PPP3CA: variants seen among roughly 807,000 people sequenced by gnomAD.
The protein encoded by PPP3CA is protein phosphatase 3 catalytic subunit alpha.
In PPP3CA, 14 loss-of-function variants were observed where a neutral mutation model predicts 66.5. The ratio of observed to expected loss-of-function variants is 0.21; its 90% CI spans 0.14 to 0.33. The LOEUF is 0.33. Among genes scored for constraint, PPP3CA ranks in the 10% least tolerant of loss-of-function variants. The pLI, the probability that PPP3CA is intolerant of heterozygous loss-of-function variation, is 1.00. For missense variants in PPP3CA, 317 were observed against 639.5 expected, an observed-to-expected ratio of 0.50 and a Z score of 5.44; for synonymous variants, 232 against 226.2, an observed-to-expected ratio of 1.03 and a Z score of -0.23.
At chr4:101,226,067 ATTC>A (rs1272499390) in intron 1 of PPP3CA, among the ~76,000 whole-genome samples, 1 of 151,822 alleles carries the variant, frequency 6.6e-6, no homozygotes, top group Non-Finnish European at 1.5e-5. Context: ...AAGTAATATT[ATTC>A]TTCTTTCTAC....
intron 2 of PPP3CA, among the ~76,000 whole-genome samples, chr4:101,180,882 C>T (rs1361929134): frequency 6.6e-6 from 1 of 151,874 alleles, no homozygotes; most frequent in Admixed American, 6.6e-5. Context: ...TAAAATTTAG[C>T]AGGGCATGGT....
At chr4:101,170,642 T>C (rs1723847214) in intron 2 of PPP3CA, among the ~76,000 whole-genome samples, 2 of 152,086 alleles carry the variant, frequency 1.3e-5, no homozygotes, top group South Asian at 4.1e-4. Context: ...ACCTCACACC[T>C]AGCATCTCTT....
intron 1 of PPP3CA, among the ~76,000 whole-genome samples, chr4:101,323,829 CAAGGCCGGG>C (rs1729114380): frequency 6.6e-6 from 1 of 152,054 alleles, no homozygotes. Context: ...AATGGAGGCA[CAAGGCCGGG>C]CATGGTGGCT....
chr4:101,074,895 A>G (rs1315727619), intron 8 of PPP3CA, among the ~76,000 whole-genome samples: 2 of 152,190 alleles, frequency 1.3e-5, no homozygotes, highest in Non-Finnish European at 2.9e-5. Context: ...GACATACCTG[A>G]GACTGGGTAA....
At chr4:101,319,170 GAAA>G (rs752226737) in intron 1 of PPP3CA, among the ~76,000 whole-genome samples, 1 of 88,980 alleles carries the variant, frequency 1.1e-5, no homozygotes. Context: ...ATACCATATT[GAAA>G]AAAAAAAAAA....
chr4:101,202,380 GT>G lies in PPP3CA; in HGVS notation c.59-6265del, dbSNP rs1367410439. Reference sequence around the variant, plus strand: ...TAAAGAGATATGTAAGTACTAAGGAGTTTTCACTGAATTTTATTTGGGTTCT... The same window carrying G: ...TAAAGAGATATGTAAGTACTAAGGAGTTTCACTGAATTTTATTTGGGTTCT... On this transcript the variant is annotated intron_variant, in intron 1 of 13. Transcript: ENST00000394854. 1.3e-5 allele frequency among the ~76,000 whole-genome samples: 2 copies of G among 152,028 alleles called. 1 individual carries two copies. Among genetic ancestry groups the G allele is most frequent in the Non-Finnish European group, 2.9e-5 (2 of 68,018 alleles).
chr4:101,267,440 T>G (rs2110262262), intron 1 of PPP3CA, among the ~76,000 whole-genome samples: 1 of 152,314 alleles, frequency 6.6e-6, no homozygotes, highest in East Asian at 1.9e-4. Flanking sequence ...GTTCAGGTAC[T>G]CATTATTTAG....
rs1446606155 is a variant in PPP3CA at position 101,346,662 on chromosome 4, G to GGC, written c.58+76_58+77insGC. On this transcript the variant is annotated intron_variant, in intron 1 of 13. Coordinates refer to ENST00000394854, the MANE Select transcript of PPP3CA (RefSeq NM_000944.5). ...GGAGAACCTGGGGCGGGGGAGGGGA[G>GGC]GAAAGGCGAGGCGAGGCAAGCTGCC... 124 of 1,205,940 alleles carry GGC rather than the reference G, an allele frequency of 1.0e-4. 1 individual carries two copies. Among genetic ancestry groups the GGC allele is most frequent in the Admixed American group, 3.5e-4 (17 of 48,388 alleles). The allele number at this position is 1,205,940 out of a possible 1,614,324, so 74.7% of individuals were successfully genotyped here.
intron 1 of PPP3CA, among the ~76,000 whole-genome samples, chr4:101,264,192 ATCTTTTTCCCCCATG>A (rs1211161222): frequency 6.6e-6 from 1 of 152,344 alleles, no homozygotes; most frequent in Non-Finnish European, 1.5e-5. Flanking sequence ...TCATTTTCAT[ATCTTTTTCCCCCATG>A]TCTTTTTCCC....
chr4:101,237,071 T>C (rs1726154147), intron 1 of PPP3CA, among the ~76,000 whole-genome samples: 1 of 150,278 alleles, frequency 6.7e-6, no homozygotes, highest in Admixed American at 6.7e-5. Context: ...ACTAGATCAT[T>C]AAAATCAGAT....
At position 101,167,775 on chromosome 4, in the gene PPP3CA, C is replaced by T. The variant is rs544079073; in HGVS notation, c.259+28141G>A. On this transcript the variant is annotated intron_variant, in intron 2 of 13. Transcript: ENST00000394854. ...CTGGTATAATTATGTGGGTGACAGG[C>T]TGGCTGGCTGGAAAGGACACAAACT... Among the ~76,000 whole-genome samples, 4 of 152,088 alleles carry T rather than the reference C, an allele frequency of 2.6e-5. No individual in the cohort carries two copies. The East Asian group carries it at 7.7e-4, about 29-fold the overall frequency.
chr4:101,327,947 T>C (rs1729256976), intron 1 of PPP3CA, among the ~76,000 whole-genome samples: 1 of 151,996 alleles, frequency 6.6e-6, no homozygotes, highest in Admixed American at 6.6e-5. Flanking sequence ...CCAAAAAAAA[T>C]ATATTTGAAG....
At chr4:101,079,617 G>A (rs1472144041) in intron 8 of PPP3CA, among the ~76,000 whole-genome samples, 1 of 151,962 alleles carries the variant, frequency 6.6e-6, no homozygotes, top group African/African-American at 2.4e-5. Context: ...TCCTGACTTC[G>A]TGATCCATTT....
At position 101,025,696 on chromosome 4, in the gene PPP3CA, T is replaced by G. The variant is rs1726602366; in HGVS notation, c.*169A>C. On this transcript the variant is annotated 3_prime_UTR_variant, in exon 14 of 14. Transcript: ENST00000394854. ...ACCAAAATATAGTTTATTATCTCTC[T>G]CCCTCTTTTTTAATGATAGTGTAAA... The G allele has an allele frequency of 2.0e-6, 1 of 511,440 alleles. No individual in the cohort carries two copies. The highest frequency in any genetic ancestry group is 2.0e-5 in the African/African-American group (1 of 51,278). 31.7% of individuals were successfully genotyped at this position (511,440 alleles called of 1,614,324 possible). A position where few individuals can be genotyped will look rare whatever the true frequency, so the allele number is the denominator to read the frequency against.
chr4:101,313,330 GGATAT>G (rs1480348350), intron 1 of PPP3CA, among the ~76,000 whole-genome samples: 1 of 152,104 alleles, frequency 6.6e-6, no homozygotes, highest in Non-Finnish European at 1.5e-5. Context: ...CTCAGCCTAA[GGATAT>G]GATATATGAA....
intron 8 of PPP3CA, among the ~76,000 whole-genome samples, chr4:101,070,865 C>T (rs976712999): frequency 1.3e-5 from 2 of 152,152 alleles, no homozygotes; most frequent in African/African-American, 2.4e-5. Context: ...TCATTTCTAA[C>T]ATTACAATTT....
At chr4:101,318,864 T>C (rs540603516) in intron 1 of PPP3CA, among the ~76,000 whole-genome samples, 1 of 152,218 alleles carries the variant, frequency 6.6e-6, no homozygotes, top group South Asian at 2.1e-4. Flanking sequence ...TTACCACTCA[T>C]ATTTAACTTT....
At chr4:101,197,070 T>A (rs1358128620) in intron 1 of PPP3CA, among the ~76,000 whole-genome samples, 1 of 152,228 alleles carries the variant, frequency 6.6e-6, no homozygotes, top group Non-Finnish European at 1.5e-5. Flanking sequence ...ACTGGACAAC[T>A]AGAAGTATCT....
chr4:101,201,986 T>C (rs1268596986), intron 1 of PPP3CA, among the ~76,000 whole-genome samples: 1 of 152,138 alleles, frequency 6.6e-6, no homozygotes, highest in African/African-American at 2.4e-5. Context: ...CAACCCAAGC[T>C]CTGAAGAGCT....
Sources: gnomAD v4.1 joint callset for allele counts (sites outside exome capture counted in the v4.1 genomes callset) on GRCh38, gnomAD v4.1.1 for gene constraint, MANE v1.5 for transcripts, NCBI Gene and HGNC (gene_info 2026-07-23, HGNC 2026-07-21) for gene names.